Variants in RELA observed in about 807,000 individuals in gnomAD.
RELA encodes the protein RELA proto-oncogene, NF-kB subunit.
Under a neutral mutation model 56.7 loss-of-function variants are expected in RELA, and 14 were observed. The ratio of observed to expected loss-of-function variants is 0.25; its 90% CI spans 0.16 to 0.39. The LOEUF is 0.39. Ranked by LOEUF, RELA falls within the 10% of genes least tolerant of loss-of-function variation. RELA has a pLI of 1.00. For missense variants in RELA, 559 were observed against 736.4 expected (o/e 0.76, Z 2.79); for synonymous variants, 315 against 289.7 (o/e 1.09, Z -0.89).
chr11:65,662,671 C>T (rs1856603496), intron 1 of RELA, 155 bp downstream of exon 1: 1 of 503,954 alleles, frequency 2.0e-6, no homozygotes, highest in Non-Finnish European at 3.0e-6. Flanking sequence ...AGACCCCTCC[C>T]CGCCTGCCCC....
In RELA at chr11:65,661,574, C is replaced by T. The variant is rs1856567964; in HGVS notation, c.335+113G>A. ...GTTTACTTGCAGAGCTGAGTCAGGG[C>T]AAGGAGTGAGGAATTCTGCCCTGGG... On this transcript the variant is annotated intron_variant, in intron 4 of 10. Transcript: ENST00000406246. 6 of 992,800 alleles carry T rather than the reference C, an allele frequency of 6.0e-6. No individual in the cohort carries two copies. The South Asian group carries it at 6.7e-5, about 11-fold the overall frequency. 61.5% of individuals were successfully genotyped at this position (992,800 alleles called of 1,614,324 possible). A position where few individuals can be genotyped will look rare whatever the true frequency, so the allele number is the denominator to read the frequency against.
At chr11:65,657,696 C>G (rs11568300) in intron 8 of RELA, among the ~76,000 whole-genome samples, 52,784 of 152,172 alleles carry the variant, frequency 0.35, 9,473 homozygotes, top group Non-Finnish European at 0.36. Context: ...CCGGAGGCCA[C>G]TGTGCCCCCG....
At position 65,654,374 on chromosome 11, in the gene RELA, C is replaced by T. The variant is rs772645646; in HGVS notation, c.*4G>A. 1.9e-6 allele frequency: 3 copies of T among 1,613,614 alleles called. No individual in the cohort carries two copies. The highest frequency in any genetic ancestry group is 2.5e-6 in the Non-Finnish European group (3 of 1,179,904). ...GTGCTCTGGGGAGGGCAGGCGTCAC[C>T]CCCTTAGGAGCTGATCTGACTCAGC... On this transcript the variant is annotated 3_prime_UTR_variant, in exon 11 of 11. Transcript: ENST00000406246.
At position 65,661,916 on chromosome 11, in the gene RELA, A is replaced by C. The variant is rs1216862888; in HGVS notation, c.186+21T>G. The C allele has an allele frequency of 1.9e-6, 3 of 1,608,722 alleles. No homozygotes were observed. In the South Asian group the frequency reaches 3.3e-5, roughly 18 times the overall value. On this transcript the variant is annotated intron_variant, in intron 3 of 10. Transcript: ENST00000406246. Reference sequence around the variant, plus strand: ...TGGGGTTCCACAGTCCCTTCCCCGCACACCCTGGCGCAGTGCTGACCTTGA... The same window carrying C: ...TGGGGTTCCACAGTCCCTTCCCCGCCCACCCTGGCGCAGTGCTGACCTTGA...
intron 1 of RELA, 70 bp from the exon 2 acceptor site, chr11:65,662,275 C>T: frequency 6.9e-7 from 1 of 1,455,756 alleles, no homozygotes; most frequent in Non-Finnish European, 9.1e-7. Flanking sequence ...ATCTGCTCTC[C>T]ACGGAGAGGA....
intron 4 of RELA, 22 bp from the exon 5 acceptor site, chr11:65,660,237 T>C: frequency 6.2e-7 from 1 of 1,611,288 alleles, no homozygotes; most frequent in Non-Finnish European, 8.5e-7. Flanking sequence ...CAGTCGTCTG[T>C]CCCACTGTCT....
upstream of RELA, among the ~76,000 whole-genome samples, chr11:65,663,580 C>T (rs535113328): frequency 4.2e-4 from 64 of 152,186 alleles, no homozygotes; most frequent in Non-Finnish European, 7.2e-4. Context: ...CGCCAGCTTA[C>T]GATACAGCCA....
intron 10 of RELA, 166 bp downstream of exon 10, chr11:65,655,522 C>T (rs1353459555): frequency 1.5e-6 from 1 of 645,622 alleles, no homozygotes; most frequent in Non-Finnish European, 2.7e-6. Flanking sequence ...GGTTCCCAGG[C>T]TTCAGTGTGC....
chr11:65,661,052 A>G (rs2135568946), intron 4 of RELA, among the ~76,000 whole-genome samples: 1 of 151,484 alleles, frequency 6.6e-6, no homozygotes, highest in African/African-American at 2.4e-5. Flanking sequence ...AAAAAAAAAA[A>G]AAAAAAAAGA....
upstream of RELA, chr11:65,663,004 G>A (rs969433279): frequency 2.6e-5 from 9 of 344,912 alleles, no homozygotes; most frequent in Non-Finnish European, 3.8e-5. Context: ...GGGGCCGGGA[G>A]CAAGTGCACG....
chr11:65,655,563 C>T (rs533840630), intron 10 of RELA, 125 bp downstream of exon 10: 69 of 935,336 alleles, frequency 7.4e-5, no homozygotes, highest in South Asian at 6.7e-4. Context: ...CTGGTTCCTG[C>T]GCCATCCTTT....
In RELA at chr11:65,655,917, T is replaced by A; in HGVS notation, c.896A>T (p.Glu299Val). Residue 299 changes from glutamate (E) to valine (V), a missense_variant, in exon 9 of 11, where the codon GAG becomes GTG. Physicochemically the swap from Glu to Val is moderately radical, Grantham distance 121. Transcript: ENST00000406246. ...CTCATATGTCCTTTTACGTTTCTCC[T>A]CAATCCGGTGACGATCGTCTGGGAA... The part of the protein sequence containing the change: ...LPDTDDRHRI[E>V]EKRKRTYETF... The A allele has an allele frequency of 6.2e-7, 1 of 1,614,076 alleles. No homozygotes were observed. Among genetic ancestry groups the A allele is most frequent in the Non-Finnish European group, 8.5e-7 (1 of 1,180,006 alleles).
In RELA at chr11:65,659,729, G is replaced by C; in HGVS notation, c.496C>G (p.Arg166Gly). Residue 166 changes from arginine to glycine, a missense_variant, in exon 6 of 11, where the codon CGG becomes GGG. Physicochemically the swap from Arg to Gly is moderately radical, Grantham distance 125. This residue lies in a region of RELA where 149 missense variants were observed against 256.0 expected (regional missense o/e 0.58). Transcript: ENST00000406246. ...AVRLCFQVTV[R>G]DPSGRPLRLP... ...CGGAGGGGCCTGCCTGATGGGTCCCGCACTGTCACCTGGAAGCAGAGCCGC... is the reference window on the plus strand; with the variant it reads ...CGGAGGGGCCTGCCTGATGGGTCCCCCACTGTCACCTGGAAGCAGAGCCGC... 1 of 1,613,902 alleles carries C rather than the reference G, an allele frequency of 6.2e-7. No individual in the cohort carries two copies. Among genetic ancestry groups the C allele is most frequent in the Non-Finnish European group, 8.5e-7 (1 of 1,180,012 alleles).
rs980878430 is a variant in RELA at position 65,658,524 on chromosome 11, G to A, written c.665-25C>T. On this transcript the variant is annotated intron_variant, in intron 7 of 10. Coordinates refer to ENST00000406246, the MANE Select transcript of RELA (RefSeq NM_021975.4). The surrounding 1 kb of genome is among the most constrained non-coding windows in gnomAD (Gnocchi z 4.5). ...TCTGCAGGAGATGCGGTGGCAGTGT[G>A]GGTCAGTGTGTCTAACCCTCCATGG... 8 of 1,563,956 alleles carry A rather than the reference G, an allele frequency of 5.1e-6. No individual in the cohort carries two copies. The highest frequency in any genetic ancestry group is 4.1e-5 in the African/African-American group (3 of 73,978).
Position 65,654,439 on chromosome 11 carries a change from T to C in RELA, c.1595A>G (p.Glu532Gly), listed in dbSNP as rs1189873448. Residue 532 changes from glutamate to glycine, a missense_variant, in exon 11 of 11, where the codon GAA (glutamate) becomes GGA (glycine). Glu to Gly is a moderately conservative substitution (Grantham distance 98). Around this residue, in one of 4 missense-constraint regions of RELA, gnomAD observed 365 missense variants for 387.5 expected, o/e 0.94. Coordinates refer to ENST00000406246, the MANE Select transcript of RELA (RefSeq NM_021975.4). ...GLPNGLLSGD[E>G]DFSSIADMDF... is the part of the protein sequence containing the mutation. ...CATGTCCGCAATGGAGGAGAAGTCT[T>C]CATCTCCTGAAAGGAGGCCATTGGG... The C allele has an allele frequency of 1.9e-6, 3 of 1,610,868 alleles. No individual in the cohort carries two copies. Among genetic ancestry groups the C allele is most frequent in the Non-Finnish European group, 2.5e-6 (3 of 1,178,682 alleles).
chr11:65,662,914 A>T lies in RELA; in HGVS notation c.-82T>A. 9.0e-7 allele frequency: 1 copy of T among 1,106,734 alleles called. No individual in the cohort carries two copies. The highest frequency in any genetic ancestry group is 1.1e-6 in the Non-Finnish European group (1 of 889,668). The allele number at this position is 1,106,734 out of a possible 1,614,324, so 68.6% of individuals were successfully genotyped here. On this transcript the variant is annotated 5_prime_UTR_variant, in exon 1 of 11. Coordinates refer to ENST00000406246, the MANE Select transcript of RELA (RefSeq NM_021975.4). The stretch of plus-strand genomic sequence containing the variant: ...AGACGAGCCATTCGCCAGAGGCGGA[A>T]ATGCGCCGCGCGGCCCGCCGTCGCG...
At position 65,658,817 on chromosome 11, in the gene RELA, G is replaced by C. The variant is rs1393793185; in HGVS notation, c.565C>G (p.Pro189Ala). 6.2e-7 allele frequency: 1 copy of C among 1,613,802 alleles called. No individual in the cohort carries two copies. Among genetic ancestry groups the C allele is most frequent in the Non-Finnish European group, 8.5e-7 (1 of 1,179,882 alleles). The change falls in exon 7 of 11, where the codon CCC becomes GCC. Residue 189 changes from proline to alanine, a missense_variant. Pro to Ala is a conservative substitution (Grantham distance 27, BLOSUM62 -1). Around this residue, in one of 4 missense-constraint regions of RELA, gnomAD observed 149 missense variants for 256.0 expected, o/e 0.58. Coordinates refer to ENST00000406246, the MANE Select transcript of RELA (RefSeq NM_021975.4). The surrounding 1 kb of genome is among the most constrained non-coding windows in gnomAD (Gnocchi z 4.5). ...LSHPIFDNRA[P>A]NTAELKICRV... ...CAGATCTTGAGCTCGGCAGTGTTGGGGGCACCTGAGGCAGTGAAAACAAGG... is the reference window on the plus strand; with the variant it reads ...CAGATCTTGAGCTCGGCAGTGTTGGCGGCACCTGAGGCAGTGAAAACAAGG...
At chr11:65,659,538 A>T (rs1162978871) in intron 6 of RELA, 128 bp downstream of exon 6, 12 of 1,213,854 alleles carry the variant, frequency 9.9e-6, no homozygotes, top group Non-Finnish European at 1.4e-5. Context: ...CTGGGCAGAG[A>T]AGAGTAGACA....
chr11:65,655,999 G>T, intron 8 of RELA, 64 bp from the exon 9 acceptor site: 2 of 1,407,250 alleles, frequency 1.4e-6, no homozygotes, highest in East Asian at 2.3e-5. Context: ...CGCTCTCAAA[G>T]GTCCCTCAGG....
Sources: allele counts gnomAD v4.1 joint callset (sites outside exome capture counted in the v4.1 genomes callset), GRCh38; gene constraint gnomAD v4.1.1; regional missense constraint gnomAD v4.1.1; non-coding constraint Gnocchi (gnomAD v3.1); transcripts MANE v1.5; gene names NCBI Gene and HGNC (gene_info 2026-07-23, HGNC 2026-07-21).